HAL: variants seen among roughly 807,000 people sequenced by gnomAD.
The protein encoded by HAL is histidase.
In HAL, 85 loss-of-function variants were observed where a neutral mutation model predicts 81.1. The ratio of observed to expected loss-of-function variants is 1.05; its 90% CI spans 0.88 to 1.25. The LOEUF (loss-of-function observed/expected upper bound fraction) is 1.25, where lower values mean the gene tolerates loss of function less well. HAL is among the 50% of genes most tolerant of loss of function. The probability of loss-of-function intolerance (pLI) is 0.00; values close to 1 mark genes in which losing one functional copy is unlikely to be tolerated. For synonymous variants in HAL, 301 were observed against 309.2 expected (o/e 0.97, Z 0.28); for missense variants, 798 against 836.6 (o/e 0.95, Z 0.57).
intron 9 of HAL, among the ~76,000 whole-genome samples, chr12:95,991,797 G>A (rs1283868664): frequency 6.6e-6 from 1 of 152,162 alleles, no homozygotes; most frequent in African/African-American, 2.4e-5. Context: ...ATATAGTATG[G>A]CAGACCAAGG....
chr12:95,994,872 AG>A (rs1950013731), intron 3 of HAL, 47 bp from the exon 4 acceptor site: 1 of 1,610,396 alleles, frequency 6.2e-7, no homozygotes. Flanking sequence ...AAAAACCCCC[AG>A]CCCCACCATC....
intron 4 of HAL, 55 bp downstream of exon 4, chr12:95,994,743 T>A (rs1950011858): frequency 6.4e-7 from 1 of 1,560,304 alleles, no homozygotes; most frequent in South Asian, 1.1e-5. Flanking sequence ...CTTTCCTCCC[T>A]CTTAAATAAG....
chr12:95,984,028 GATTACC>G (rs1200200066), intron 14 of HAL, 37 bp from the exon 15 acceptor site: 2 of 989,466 alleles, frequency 2.0e-6, no homozygotes, highest in African/African-American at 3.2e-5. Context: ...TGACCCATTT[GATTACC>G]TGAAGAGTAC....
Position 95,980,694 on chromosome 12 carries a change from G to A in HAL, c.1381C>T (p.His461Tyr). The change falls in exon 17 of 21, where the codon CAT becomes TAT. Residue 461 changes from histidine (H) to tyrosine (Y), a missense_variant. His to Tyr is a moderately conservative substitution (Grantham distance 83). Transcript: ENST00000261208. Reference protein sequence around the residue: ...KALDYLAIGIHELAAISERRI... With the variant: ...KALDYLAIGIYELAAISERRI... Reference sequence around the variant, plus strand: ...CTCTCACTGATTGCAGCAAGTTCATGGATGCCAATGGCCAAGTAGTCTAGG... The same window carrying A: ...CTCTCACTGATTGCAGCAAGTTCATAGATGCCAATGGCCAAGTAGTCTAGG... 1 of 1,613,990 alleles carries A rather than the reference G, an allele frequency of 6.2e-7. No individual in the cohort carries two copies. Among genetic ancestry groups the A allele is most frequent in the Non-Finnish European group, 8.5e-7 (1 of 1,179,834 alleles).
chr12:95,989,114 G>A (rs1309673169), intron 10 of HAL, among the ~76,000 whole-genome samples: 2 of 152,194 alleles, frequency 1.3e-5, no homozygotes, highest in Non-Finnish European at 1.5e-5. Context: ...AGAGCATACA[G>A]GAGGGTCACA....
rs528381362 is a variant in HAL at position 95,973,666 on chromosome 12, A to T, written c.*566T>A. 3.2e-5 allele frequency: 5 copies of T among 155,856 alleles called. No individual in the cohort carries two copies. The highest frequency in any genetic ancestry group is 7.1e-5 in the Non-Finnish European group (5 of 70,234). 9.7% of individuals were successfully genotyped at this position (155,856 alleles called of 1,614,324 possible). On this transcript the variant is annotated 3_prime_UTR_variant, in exon 21 of 21. Coordinates refer to ENST00000261208, the MANE Select transcript of HAL (RefSeq NM_002108.4). Reference sequence around the variant, plus strand: ...CAATTAATAGCTGAAGACCCTATTGACTACTCTTTACTATGATCCAATTAA... The same window carrying T: ...CAATTAATAGCTGAAGACCCTATTGTCTACTCTTTACTATGATCCAATTAA...
intron 12 of HAL, among the ~76,000 whole-genome samples, chr12:95,986,625 G>C (rs1949892174): frequency 2.0e-5 from 3 of 152,276 alleles, no homozygotes; most frequent in African/African-American, 7.2e-5. Context: ...TTCACTTTTA[G>C]ACAATGTTCT....
intron 9 of HAL, 115 bp downstream of exon 9, chr12:95,992,565 A>G: frequency 1.0e-6 from 1 of 961,396 alleles, no homozygotes; most frequent in Non-Finnish European, 1.6e-6. Flanking sequence ...TTTCCCACTC[A>G]TTTCAATTAT....
Position 95,992,935 on chromosome 12 carries a change from G to A in HAL, c.590-130C>T, listed in dbSNP as rs1949990286. On this transcript the variant is annotated intron_variant, in intron 8 of 20. Transcript: ENST00000261208. ...CTATTACCTTCTCCTCTCGGCTCAG[G>A]TAGTTGGACTACTCTCCCTCCTGCC... is the stretch of plus-strand genomic sequence containing the variant. 3 of 815,436 alleles carry A rather than the reference G, an allele frequency of 3.7e-6. No individual in the cohort carries two copies. The East Asian group carries it at 7.8e-5, about 21-fold the overall frequency. 50.5% of individuals were successfully genotyped at this position (815,436 alleles called of 1,614,324 possible).
chr12:95,987,140 A>G lies in HAL; in HGVS notation c.978T>C (p.Ile326=), dbSNP rs779428136. 6.2e-7 allele frequency: 1 copy of G among 1,613,202 alleles called. No homozygotes were observed. The highest frequency in any genetic ancestry group is 8.5e-7 in the Non-Finnish European group (1 of 1,179,098). ...GCEAVERASA[I]ARQADIVAAL... ...CTGCCACAATGTCAGCCTGCCGTGCAATAGCACTGGCTCGCTCTACAGCTT... is the reference window on the plus strand; with the variant it reads ...CTGCCACAATGTCAGCCTGCCGTGCGATAGCACTGGCTCGCTCTACAGCTT... The change falls in exon 12 of 21, where the codon ATT becomes ATC. Residue 326 remains isoleucine (I), a synonymous_variant. Transcript: ENST00000261208.
intron 14 of HAL, 94 bp downstream of exon 14, chr12:95,985,814 C>G (rs1949877906): frequency 2.5e-6 from 2 of 807,848 alleles, no homozygotes; most frequent in East Asian, 2.7e-5. Context: ...GTTTTTCTAA[C>G]ACTTTCCTAT....
At chr12:95,985,838 A>G (rs1592844013) in intron 14 of HAL, 70 bp downstream of exon 14, 1 of 1,036,066 alleles carries the variant, frequency 9.7e-7, no homozygotes, top group Non-Finnish European at 1.5e-6. Flanking sequence ...AAAATTTTTC[A>G]TCCTGAACCT....
rs1186839538 is a variant in HAL, at chr12:95,973,077, T to G, written c.*1155A>C. ...ATTGTGAAATCCACTGTTCGGCCCA[T>G]TTTAGATGGCAATTAGGTAGGCAAG... On this transcript the variant is annotated 3_prime_UTR_variant, in exon 21 of 21. Transcript: ENST00000261208. The G allele has an allele frequency of 6.6e-6, 1 of 152,218 alleles. No individual in the cohort carries two copies. The highest frequency in any genetic ancestry group is 2.1e-4 in the South Asian group (1 of 4,834). 9.4% of individuals were successfully genotyped at this position (152,218 alleles called of 1,614,324 possible).
Position 95,994,980 on chromosome 12 carries a change from A to C in HAL, c.261T>G (p.Asp87Glu). 6.2e-7 allele frequency: 1 copy of C among 1,610,370 alleles called. No individual in the cohort carries two copies. The highest frequency in any genetic ancestry group is 8.5e-7 in the Non-Finnish European group (1 of 1,176,628). ...ATGGAATGAAGTCAGGAGACATGGC[A>C]TCACCCTCTATAACTAAAACAATGC... is the stretch of plus-strand genomic sequence containing the variant. ...NEFVEVVIEGDAMSPDFIPSQ... is the reference protein window; with the variant it reads ...NEFVEVVIEGEAMSPDFIPSQ... The change falls in exon 3 of 21, where the codon GAT becomes GAG. Residue 87 changes from aspartate (D) to glutamate (E), a missense_variant. Asp to Glu is a conservative substitution (Grantham distance 45). Coordinates refer to ENST00000261208, the MANE Select transcript of HAL (RefSeq NM_002108.4).
intron 12 of HAL, among the ~76,000 whole-genome samples, chr12:95,986,424 C>T (rs968117909): frequency 6.6e-6 from 1 of 152,094 alleles, no homozygotes; most frequent in African/African-American, 2.4e-5. Flanking sequence ...GGGTCCTTAG[C>T]CACCACTCAG....
Position 95,973,969 on chromosome 12 carries a change from T to C in HAL, c.*263A>G. The C allele has an allele frequency of 2.0e-6, 1 of 508,004 alleles. No individual in the cohort carries two copies. Among genetic ancestry groups the C allele is most frequent in the East Asian group, 3.5e-5 (1 of 28,398 alleles). 31.5% of individuals were successfully genotyped at this position (508,004 alleles called of 1,614,324 possible). On this transcript the variant is annotated 3_prime_UTR_variant, in exon 21 of 21. Coordinates refer to ENST00000261208, the MANE Select transcript of HAL (RefSeq NM_002108.4). ...TATTCTTCTCACCCTTAAGAGTGAGTGGCCTGTTGAAACTGTTAAGAAAGA... is the reference window on the plus strand; with the variant it reads ...TATTCTTCTCACCCTTAAGAGTGAGCGGCCTGTTGAAACTGTTAAGAAAGA...
rs1425194630 is a variant in HAL, at chr12:95,994,930, T to C, written c.308+3A>G. Reference sequence around the variant, plus strand: ...AGACCAAAGAGCCTGTGGGAAAGGATACAGATAAACTCCTTCTGGTTGAGA... The same window carrying C: ...AGACCAAAGAGCCTGTGGGAAAGGACACAGATAAACTCCTTCTGGTTGAGA... On this transcript the variant is annotated splice_donor_region_variant and intron_variant, in intron 3 of 20. Transcript: ENST00000261208. 1 of 1,612,296 alleles carries C rather than the reference T, an allele frequency of 6.2e-7. No individual in the cohort carries two copies.
intron 17 of HAL, 37 bp from the exon 18 acceptor site, chr12:95,978,115 A>C: frequency 6.3e-7 from 1 of 1,579,582 alleles, no homozygotes; most frequent in Non-Finnish European, 8.7e-7. Context: ...AGTGCTCCTC[A>C]CAGGATGAGC....
In HAL at chr12:95,986,164, G is replaced by C. The variant is rs751361805; in HGVS notation, c.1052-4C>G. 6 of 1,533,166 alleles carry C rather than the reference G, an allele frequency of 3.9e-6. No homozygotes were observed. The highest frequency in any genetic ancestry group is 5.4e-6 in the Non-Finnish European group (6 of 1,106,176). 95.0% of individuals were successfully genotyped at this position (1,533,166 alleles called of 1,614,324 possible). On this transcript the variant is annotated splice_region_variant and splice_polypyrimidine_tract_variant and intron_variant, in intron 12 of 20. Transcript: ENST00000261208. The stretch of plus-strand genomic sequence containing the variant: ...TGAGGTCGAAGAGCATGAATGTCTA[G>C]AATTGATGAAGGAGAAAAAGTCTGA...
Sources: gnomAD v4.1 joint callset for allele counts (sites outside exome capture counted in the v4.1 genomes callset) on GRCh38, gnomAD v4.1.1 for gene constraint, MANE v1.5 for transcripts, NCBI Gene and HGNC (gene_info 2026-07-23, HGNC 2026-07-21) for gene names.